Variants in DNAH5 observed in about 807,000 individuals in gnomAD.
DNAH5 encodes the protein dynein axonemal heavy chain 5.
DNAH5 carries 372 observed loss-of-function variants against 518.2 expected under a neutral mutation model. The ratio of observed to expected loss-of-function variants is 0.72; its 90% CI spans 0.66 to 0.78. DNAH5 has a LOEUF of 0.78. Ranked by LOEUF, DNAH5 falls within the 30% of genes least tolerant of loss-of-function variation. The pLI is 0.00. For missense variants in DNAH5, 5,523 were observed against 5,687.0 expected, an observed-to-expected ratio of 0.97 and a Z score of 0.93; for synonymous variants, 2,039 against 2,025.9, an observed-to-expected ratio of 1.01 and a Z score of -0.17.
chr5:13,837,946 C>T (rs759130379), intron 35 of DNAH5, among the ~76,000 whole-genome samples: 1 of 152,044 alleles, frequency 6.6e-6, no homozygotes, highest in Non-Finnish European at 1.5e-5. Flanking sequence ...GTGTTCCACC[C>T]ACTTCGGCCT....
At chr5:13,905,729 C>A (rs1047192918) in intron 12 of DNAH5, among the ~76,000 whole-genome samples, 9 of 152,096 alleles carry the variant, frequency 5.9e-5, no homozygotes, top group Admixed American at 3.3e-4. Context: ...TCTTATAAAA[C>A]TAAAAACACT....
chr5:13,727,737 C>A (rs183316923), intron 69 of DNAH5, 81 bp from the exon 70 acceptor site: 1 of 1,442,220 alleles, frequency 6.9e-7, no homozygotes, highest in African/African-American at 1.4e-5. Flanking sequence ...TTTCATCAAA[C>A]CTCTGACCTC....
At chr5:13,920,402 G>T in intron 6 of DNAH5, 78 bp downstream of exon 6, 1 of 1,572,200 alleles carries the variant, frequency 6.4e-7, no homozygotes, top group Non-Finnish European at 8.7e-7. Flanking sequence ...ATGGAATGTC[G>T]TATGTCAATA....
At chr5:13,698,333 T>A (rs1010399352) in intron 78 of DNAH5, among the ~76,000 whole-genome samples, 1 of 152,212 alleles carries the variant, frequency 6.6e-6, no homozygotes, top group East Asian at 1.9e-4. Flanking sequence ...AATCAGTATG[T>A]TCATTTCTAG....
At chr5:13,751,758 G>A (rs140363844) in intron 64 of DNAH5, among the ~76,000 whole-genome samples, 67 of 152,158 alleles carry the variant, frequency 4.4e-4, no homozygotes, top group African/African-American at 1.6e-3. Flanking sequence ...CTGGGGTGAG[G>A]GTTCCCATAC....
chr5:13,782,967 C>T (rs921053644), intron 52 of DNAH5, among the ~76,000 whole-genome samples: 13 of 152,138 alleles, frequency 8.5e-5, no homozygotes, highest in African/African-American at 2.9e-4. Context: ...CAGGAGCTCA[C>T]GCTGGAACAG....
chr5:13,930,973 G>T, intron 2 of DNAH5, 137 bp downstream of exon 2: 2 of 1,274,720 alleles, frequency 1.6e-6, no homozygotes, highest in Non-Finnish European at 2.3e-6. Context: ...CACCAGTACA[G>T]AGTCAGAATG....
Position 13,920,525 on chromosome 5 carries a change from T to C in DNAH5, c.753A>G (p.Gly251=). The C allele has an allele frequency of 6.2e-7, 1 of 1,614,182 alleles. No individual in the cohort carries two copies. The highest frequency in any genetic ancestry group is 8.5e-7 in the Non-Finnish European group (1 of 1,180,022). The change falls in exon 6 of 79, where the codon GGA becomes GGG. Residue 251 remains glycine, a synonymous_variant. Coordinates refer to ENST00000265104, the MANE Select transcript of DNAH5 (RefSeq NM_001369.3). Reference sequence around the variant, plus strand: ...ATACTTTCATGCAATCCTCTATTTTTCCCAAAGTCTCAGGGTTATTTGCTA... The same window carrying C: ...ATACTTTCATGCAATCCTCTATTTTCCCCAAAGTCTCAGGGTTATTTGCTA... The part of the protein sequence containing the change: ...LTLANNPETL[G]KIEDCMKVWI...
chr5:13,725,599 C>T lies in DNAH5; in HGVS notation c.12033+1908G>A, dbSNP rs1416178508. ...GTGGTCCCAATGCAACAGATTCAGCCTTTCAATGGGGGAGAAAATGAACAA... is the reference window on the plus strand; with the variant it reads ...GTGGTCCCAATGCAACAGATTCAGCTTTTCAATGGGGGAGAAAATGAACAA... On this transcript the variant is annotated intron_variant, in intron 70 of 78. Coordinates refer to ENST00000265104, the MANE Select transcript of DNAH5 (RefSeq NM_001369.3). 5.3e-5 allele frequency among the ~76,000 whole-genome samples: 8 copies of T among 152,298 alleles called. No homozygotes were observed. The East Asian group carries it at 9.7e-4, about 18-fold the overall frequency.
chr5:13,839,616 G>A, intron 34 of DNAH5, 88 bp from the exon 35 acceptor site: 1 of 1,189,820 alleles, frequency 8.4e-7, no homozygotes, highest in Non-Finnish European at 1.2e-6. Flanking sequence ...ATCATAAAGT[G>A]AAATAAATGA....
intron 54 of DNAH5, 105 bp downstream of exon 54, chr5:13,777,097 C>T (rs1754204962): frequency 1.8e-6 from 2 of 1,089,632 alleles, no homozygotes; most frequent in Admixed American, 2.0e-5. Context: ...TAATACCCAT[C>T]CCCAATAGCA....
Position 13,809,236 on chromosome 5 carries a change from G to A in DNAH5, c.7610-50C>T, listed in dbSNP as rs201052349. 77 of 1,601,726 alleles carry A rather than the reference G, an allele frequency of 4.8e-5. No homozygotes were observed. In the Middle Eastern group the frequency reaches 5.0e-4, roughly 10 times the overall value. ...ATCTCCATATTAATAATTCAACTCC[G>A]AACTGTAATGAGCAGACATCCTTGA... is the stretch of plus-strand genomic sequence containing the variant. On this transcript the variant is annotated intron_variant, in intron 45 of 78. Transcript: ENST00000265104.
At chr5:13,770,572 A>G (rs1351274596) in intron 56 of DNAH5, among the ~76,000 whole-genome samples, 177 bp downstream of exon 56, 1 of 152,166 alleles carries the variant, frequency 6.6e-6, no homozygotes, top group African/African-American at 2.4e-5. Context: ...CAGGAAGTTT[A>G]GCAACATCCC....
At chr5:13,735,068 A>T in intron 68 of DNAH5, 63 bp downstream of exon 68, 1 of 1,499,946 alleles carries the variant, frequency 6.7e-7, no homozygotes, top group Non-Finnish European at 9.3e-7. Flanking sequence ...TGTACTGCAA[A>T]GGGCTTTCAC....
chr5:14,000,076 C>A (rs1241881078), intron 1 of DNAH5, among the ~76,000 whole-genome samples: 1 of 151,892 alleles, frequency 6.6e-6, no homozygotes, highest in African/African-American at 2.4e-5. Context: ...CCCCAACCAC[C>A]CCCAAAGTAC....
intron 70 of DNAH5, among the ~76,000 whole-genome samples, chr5:13,724,511 G>A (rs1444046161): frequency 6.6e-6 from 1 of 152,186 alleles, no homozygotes; most frequent in East Asian, 1.9e-4. Flanking sequence ...GACTTTAGGG[G>A]ACAGTTAGGA....
At chr5:13,879,797 T>C (rs1446681883) in intron 21 of DNAH5, among the ~76,000 whole-genome samples, 1 of 151,932 alleles carries the variant, frequency 6.6e-6, no homozygotes, top group Non-Finnish European at 1.5e-5. Context: ...AGAATGAAGA[T>C]ATCTTAACAG....
chr5:13,833,432 G>C (rs1292591674), intron 35 of DNAH5, among the ~76,000 whole-genome samples: 1 of 127,158 alleles, frequency 7.9e-6, no homozygotes, highest in East Asian at 2.6e-4. Context: ...GAGTGAGTGA[G>C]ACTCCTTCCC....
chr5:13,933,221 C>T (rs991459323), intron 1 of DNAH5, among the ~76,000 whole-genome samples: 47 of 152,176 alleles, frequency 3.1e-4, no homozygotes, highest in African/African-American at 1.1e-3. Context: ...AATATAAAAG[C>T]TACAATGTCA....
Sources: allele counts gnomAD v4.1 joint callset (sites outside exome capture counted in the v4.1 genomes callset), GRCh38; gene constraint gnomAD v4.1.1; transcripts MANE v1.5; gene names NCBI Gene and HGNC (gene_info 2026-07-23, HGNC 2026-07-21).